Variants in ZNF75A observed in about 807,000 individuals in gnomAD.
ZNF75A encodes zinc finger protein 75A.
A neutral mutation model predicts 46.3 loss-of-function variants in ZNF75A; 36 were observed. The observed-to-expected ratio is 0.78, with a 90% CI of 0.60 to 1.03. ZNF75A has a LOEUF of 1.03. Among genes scored for constraint, ZNF75A ranks in the 50% least tolerant of loss-of-function variants. ZNF75A has a pLI of 0.00. For missense variants in ZNF75A, 595 were observed against 551.3 expected, an observed-to-expected ratio of 1.08 and a Z score of -0.79; for synonymous variants, 234 against 189.9, an observed-to-expected ratio of 1.23 and a Z score of -1.91.
chr16:3,322,109 G>A (rs895819027), downstream of ZNF75A, among the ~76,000 whole-genome samples: 6 of 152,106 alleles, frequency 3.9e-5, no homozygotes, highest in Non-Finnish European at 7.3e-5. Flanking sequence ...AATACTTGCT[G>A]AAGCTCTCCC....
downstream of ZNF75A, among the ~76,000 whole-genome samples, chr16:3,321,726 C>A (rs865807298): frequency 2.6e-5 from 4 of 152,156 alleles, no homozygotes; most frequent in East Asian, 7.7e-4. Context: ...GCATTGGCCT[C>A]CCAAAGTACT....
chr16:3,317,466 G>T lies in ZNF75A; in HGVS notation c.1211G>T (p.Cys404Phe), dbSNP rs1166607296. The T allele has an allele frequency of 1.2e-6, 2 of 1,613,966 alleles. No homozygotes were observed. The highest frequency in any genetic ancestry group is 3.3e-5 in the Admixed American group (2 of 59,986). ...TGTGCAAGAGAGAAGCCTTTTAAAT[G>T]TCAGGAATGTGGGAAAACCTTCAGA... The part of the protein sequence containing the change: ...KDCAREKPFK[C>F]QECGKTFRVS... The change falls in exon 7 of 7, where the codon TGT becomes TTT. Residue 404 changes from cysteine (C) to phenylalanine (F), a missense_variant. Coordinates refer to ENST00000669516, the MANE Select transcript of ZNF75A (RefSeq NM_001302109.2).
At chr16:3,312,805 C>G (rs752839797) in intron 4 of ZNF75A, 37 bp downstream of exon 4, 5 of 1,117,790 alleles carry the variant, frequency 4.5e-6, no homozygotes, top group African/African-American at 1.6e-5. Context: ...GGCTACCTTT[C>G]TCTGCTATGT....
downstream of ZNF75A, among the ~76,000 whole-genome samples, chr16:3,322,205 G>T (rs558616150): frequency 6.6e-6 from 1 of 152,062 alleles, no homozygotes; most frequent in Non-Finnish European, 1.5e-5. Flanking sequence ...CATACTTCAC[G>T]TTTCTACTGT....
Position 3,308,628 on chromosome 16 carries a change from G to C in ZNF75A, c.200G>C (p.Ser67Thr). The change falls in exon 2 of 7, where the codon AGC (serine) becomes ACC (threonine). Residue 67 changes from serine (S) to threonine (T), a missense_variant. Physicochemically the swap from Ser to Thr is moderately conservative, Grantham distance 58. Transcript: ENST00000669516. Reference sequence around the variant, plus strand: ...GCAGGTGGACCCCGTGAGGCTGTCAGCAAACTTCAAGAATTATGTCATCTA... The same window carrying C: ...GCAGGTGGACCCCGTGAGGCTGTCACCAAACTTCAAGAATTATGTCATCTA... ...DEAGGPREAVSKLQELCHLWL... is the reference protein window; with the variant it reads ...DEAGGPREAVTKLQELCHLWL... The C allele has an allele frequency of 2.0e-6, 2 of 986,706 alleles. No homozygotes were observed. The highest frequency in any genetic ancestry group is 3.5e-5 in the African/African-American group (2 of 57,380). The allele number at this position is 986,706 out of a possible 1,614,324, so 61.1% of individuals were successfully genotyped here.
chr16:3,318,985 A>G, downstream of ZNF75A: 2 of 349,588 alleles, frequency 5.7e-6, no homozygotes, highest in Non-Finnish European at 8.0e-6. Flanking sequence ...TGGATTGCCA[A>G]AAGTCTGTAT....
At chr16:3,312,173 TAAC>T (rs1960858401) in intron 3 of ZNF75A, 1 of 152,934 alleles carries the variant, frequency 6.5e-6, no homozygotes, top group Admixed American at 6.5e-5. Context: ...CTCTTGGTAA[TAAC>T]AGTGTGAACT....
intron 6 of ZNF75A, 56 bp from the exon 7 acceptor site, chr16:3,317,134 T>A: frequency 6.4e-7 from 1 of 1,551,456 alleles, no homozygotes; most frequent in Non-Finnish European, 8.7e-7. Flanking sequence ...TTTCTTTTTA[T>A]TCCTGTGATT....
At chr16:3,306,768 C>T (rs981707301) in intron 1 of ZNF75A, 2 of 151,820 alleles carry the variant, frequency 1.3e-5, no homozygotes, top group African/African-American at 4.8e-5. Flanking sequence ...ATGTGTGTTG[C>T]AAAGAATGAT....
At chr16:3,306,683 G>C (rs1960280493) in intron 1 of ZNF75A, 1 of 152,028 alleles carries the variant, frequency 6.6e-6, no homozygotes, top group Non-Finnish European at 1.5e-5. Flanking sequence ...CTGCACTCCA[G>C]CCTGGGTGAC....
At chr16:3,315,035 C>G in intron 5 of ZNF75A, 1 of 985,112 alleles carries the variant, frequency 1.0e-6, no homozygotes, top group Non-Finnish European at 1.2e-6. Context: ...ACCTGGGGAG[C>G]TTTTCCAGAT....
downstream of ZNF75A, among the ~76,000 whole-genome samples, chr16:3,319,200 A>G (rs1246371805): frequency 6.6e-6 from 1 of 151,716 alleles, no homozygotes; most frequent in Admixed American, 6.6e-5. Flanking sequence ...TGCATCCTCC[A>G]CCTCCCAGAT....
intron 5 of ZNF75A, among the ~76,000 whole-genome samples, chr16:3,313,443 G>C (rs554776151): frequency 1.3e-5 from 2 of 152,224 alleles, no homozygotes; most frequent in Non-Finnish European, 2.9e-5. Context: ...TCTCAGTAAG[G>C]GGCACATTCA....
downstream of ZNF75A, among the ~76,000 whole-genome samples, chr16:3,320,994 C>G (rs1028506265): frequency 3.3e-5 from 5 of 152,140 alleles, no homozygotes; most frequent in Non-Finnish European, 7.3e-5. Context: ...TAGCCAGTAC[C>G]CAGCTGCTGC....
In ZNF75A at chr16:3,312,638, A is replaced by G. The variant is rs79603751; in HGVS notation, c.605-39A>G. 4.0e-3 allele frequency: 3,633 copies of G among 907,702 alleles called. 110 individuals carry two copies. The African/African-American group carries it at 0.061, about 15-fold the overall frequency. The allele number at this position is 907,702 out of a possible 1,614,324, so 56.2% of individuals were successfully genotyped here. ...TTAGAAATGAGCTCAGGATGTTTAT[A>G]GATAAAAGAGATTTCTTCTGGCTCT... is the stretch of plus-strand genomic sequence containing the variant. On this transcript the variant is annotated intron_variant, in intron 3 of 6. Transcript: ENST00000669516.
At chr16:3,316,415 A>T (rs1053150974) in intron 5 of ZNF75A, 1 of 152,310 alleles carries the variant, frequency 6.6e-6, no homozygotes, top group Non-Finnish European at 1.5e-5. Flanking sequence ...GTAGAAATCT[A>T]TCCTAGTTGA....
chr16:3,321,033 G>A (rs2029921493), downstream of ZNF75A, among the ~76,000 whole-genome samples: 4 of 152,124 alleles, frequency 2.6e-5, no homozygotes, highest in Admixed American at 2.0e-4. Flanking sequence ...TAACAACCTT[G>A]GAATTTGTGG....
At chr16:3,311,661 C>A in intron 2 of ZNF75A, 92 bp from the exon 3 acceptor site, 1 of 612,054 alleles carries the variant, frequency 1.6e-6, no homozygotes, top group Non-Finnish European at 2.1e-6. Flanking sequence ...TCTTATACTA[C>A]CCACAATGTG....
At chr16:3,310,767 A>G (rs1239102740) in intron 2 of ZNF75A, 5 of 985,342 alleles carry the variant, frequency 5.1e-6, no homozygotes, top group Non-Finnish European at 6.0e-6. Flanking sequence ...CTGATGGGTA[A>G]TGTCCTCCCT....
Sources: gnomAD v4.1 joint callset for allele counts (sites outside exome capture counted in the v4.1 genomes callset) on GRCh38, gnomAD v4.1.1 for gene constraint, MANE v1.5 for transcripts, NCBI Gene and HGNC (gene_info 2026-07-23, HGNC 2026-07-21) for gene names.